The following CLN8 variants were observed in gnomAD, a reference collection of about 807,000 sequenced individuals.
CLN8 encodes the protein CLN8 transmembrane ER and ERGIC protein.
In CLN8, 14 loss-of-function variants were observed where a neutral mutation model predicts 15.7. The observed-to-expected ratio is 0.89, with a 90% confidence interval of 0.59 to 1.39. The LOEUF is 1.39. Ranked by LOEUF, CLN8 falls within the 40% of genes most tolerant of loss-of-function variation. The pLI, the probability that CLN8 is intolerant of heterozygous loss-of-function variation, is 0.00. For synonymous variants in CLN8, 188 were observed against 151.0 expected, an observed-to-expected ratio of 1.25 and a Z score of -1.80; for missense variants, 415 against 364.0, an observed-to-expected ratio of 1.14 and a Z score of -1.14.
Position 1,767,258 on chromosome 8 carries a change from C to T in CLN8, c.-124+3373C>T, listed in dbSNP as rs1585131383. On this transcript the variant is annotated intron_variant, in intron 1 of 2. Transcript: ENST00000331222. ...GAGCAAAGAATCAGAATGGGGGATT[C>T]ACTACAGGACTGGAAGGGGAAGTAA... Among the ~76,000 whole-genome samples, 3 of 152,318 alleles carry T rather than the reference C, an allele frequency of 2.0e-5. No homozygotes were observed. In the East Asian group the frequency reaches 5.8e-4, roughly 29 times the overall value.
At chr8:1,755,825 C>T (rs965708675) in exon 1 of CLN8, 3 of 152,204 alleles carry the variant, frequency 2.0e-5, no homozygotes, top group African/African-American at 7.2e-5. Flanking sequence ...GTCAGCTCCG[C>T]TTGTCCCAGG....
intron 1 of CLN8, among the ~76,000 whole-genome samples, chr8:1,767,250 G>A (rs1414000273): frequency 6.6e-6 from 1 of 152,208 alleles, no homozygotes; most frequent in Non-Finnish European, 1.5e-5. Context: ...GAATCAGAAT[G>A]GGGGATTCAC....
At chr8:1,772,940 A>C in intron 2 of CLN8, 1 of 398,612 alleles carries the variant, frequency 2.5e-6, no homozygotes, top group Non-Finnish European at 4.4e-6. Flanking sequence ...GGTAGCCTCG[A>C]GAGGAAAAAT....
At chr8:1,758,327 CAA>C (rs869238968) in intron 1 of CLN8, 1 of 80,284 alleles carries the variant, frequency 1.2e-5, no homozygotes, top group Non-Finnish European at 3.0e-5. Flanking sequence ...CTTGTCAACA[CAA>C]AGAGTCAAAT....
chr8:1,756,210 G>T (rs1017375577), intron 1 of CLN8: 1 of 152,138 alleles, frequency 6.6e-6, no homozygotes, highest in African/African-American at 2.4e-5. Flanking sequence ...TCAGCCAGGC[G>T]CTGTGGCTCA....
chr8:1,769,435 C>T (rs991146202), intron 1 of CLN8, among the ~76,000 whole-genome samples: 9 of 152,156 alleles, frequency 5.9e-5, no homozygotes, highest in Non-Finnish European at 1.0e-4. Context: ...GGGTCTCTTC[C>T]GGAGAGCAGA....
intron 1 of CLN8, among the ~76,000 whole-genome samples, chr8:1,757,407 A>G (rs1409664140): frequency 1.3e-5 from 2 of 152,208 alleles, no homozygotes; most frequent in South Asian, 2.1e-4. Context: ...TTGTTGCCCT[A>G]GAATCAACAT....
chr8:1,771,640 T>C, intron 2 of CLN8, 43 bp downstream of exon 2: 1 of 1,565,734 alleles, frequency 6.4e-7, no homozygotes. Flanking sequence ...GCCTCACGCA[T>C]TTAATCACTG....
At chr8:1,767,949 CTT>C (rs56109121) in intron 1 of CLN8, among the ~76,000 whole-genome samples, 3 of 144,726 alleles carry the variant, frequency 2.1e-5, no homozygotes, top group Non-Finnish European at 1.5e-5. Context: ...TTCTTTCTTT[CTT>C]TTTTTTTTTG....
intron 1 of CLN8, chr8:1,765,218 C>T (rs1801002388): frequency 6.6e-6 from 1 of 152,234 alleles, no homozygotes; most frequent in African/African-American, 2.4e-5. Flanking sequence ...CCTGGTAGGA[C>T]ACCGGGTAGG....
chr8:1,766,687 G>A (rs548127297), intron 1 of CLN8, among the ~76,000 whole-genome samples: 74 of 151,156 alleles, frequency 4.9e-4, no homozygotes, highest in South Asian at 3.4e-3. Context: ...CACCCTGCCC[G>A]GCCGATTCGG....
At chr8:1,769,792 C>T (rs924274630) in intron 1 of CLN8, among the ~76,000 whole-genome samples, 1 of 152,162 alleles carries the variant, frequency 6.6e-6, no homozygotes, top group Non-Finnish European at 1.5e-5. Flanking sequence ...TCATGTGTTC[C>T]ATAAATGTTT....
intron 1 of CLN8, among the ~76,000 whole-genome samples, chr8:1,767,571 T>TTC (rs1292340592): frequency 3.0e-4 from 40 of 132,646 alleles, no homozygotes; most frequent in Non-Finnish European, 3.2e-4. Flanking sequence ...CTTTCTTTTT[T>TTC]TTTTTTTTTT....
intron 2 of CLN8, 44 bp from the exon 3 acceptor site, chr8:1,780,206 G>C (rs759204343): frequency 1.2e-6 from 2 of 1,614,158 alleles, no homozygotes; most frequent in Non-Finnish European, 1.7e-6. Context: ...AATGAATTTT[G>C]GCAGTTTCGC....
chr8:1,776,958 G>A (rs1042886684), intron 2 of CLN8, among the ~76,000 whole-genome samples: 7 of 152,168 alleles, frequency 4.6e-5, no homozygotes, highest in African/African-American at 1.4e-4. Context: ...TTACCCGGAC[G>A]CAAAAGAGTA....
At chr8:1,776,868 G>C (rs1445993080) in intron 2 of CLN8, among the ~76,000 whole-genome samples, 9 of 152,198 alleles carry the variant, frequency 5.9e-5, no homozygotes, top group African/African-American at 1.7e-4. Context: ...TCAGTGGAAA[G>C]GGCTTGTGAG....
At chr8:1,761,524 C>T (rs1427092539), upstream of CLN8, among the ~76,000 whole-genome samples, 2 of 152,206 alleles carry the variant, frequency 1.3e-5, no homozygotes, top group African/African-American at 4.8e-5. Context: ...GGGGTTTTGC[C>T]ATGTTGGCCA....
chr8:1,785,280 A>G lies in CLN8; in HGVS notation c.*4713A>G, dbSNP rs1801804050. On this transcript the variant is annotated 3_prime_UTR_variant, in exon 3 of 3. Transcript: ENST00000331222. Reference sequence around the variant, plus strand: ...TGACACAGGCGGCGTGGGGTTAGACAGGTACCGGTCAGACTACGGTGACAC... The same window carrying G: ...TGACACAGGCGGCGTGGGGTTAGACGGGTACCGGTCAGACTACGGTGACAC... 3 of 188,566 alleles carry G rather than the reference A, an allele frequency of 1.6e-5. No homozygotes were observed. The highest frequency in any genetic ancestry group is 5.5e-5 in the Admixed American group (1 of 18,036). The allele number at this position is 188,566 out of a possible 1,614,324, so 11.7% of individuals were successfully genotyped here. A position where few individuals can be genotyped will look rare whatever the true frequency, so the allele number is the denominator to read the frequency against.
intron 1 of CLN8, among the ~76,000 whole-genome samples, chr8:1,768,612 A>T (rs1171860170): frequency 6.6e-6 from 1 of 152,136 alleles, no homozygotes; most frequent in African/African-American, 2.4e-5. Context: ...TTAACCTTTA[A>T]CAGTGTTGTT....
Sources: allele counts gnomAD v4.1 joint callset (sites outside exome capture counted in the v4.1 genomes callset), GRCh38; gene constraint gnomAD v4.1.1; transcripts MANE v1.5; gene names NCBI Gene and HGNC (gene_info 2026-07-23, HGNC 2026-07-21).